Variants in SARDH observed in about 807,000 individuals in gnomAD.
The protein encoded by SARDH is sarcosine dehydrogenase, mitochondrial.
In SARDH, 95 loss-of-function variants were observed where a neutral mutation model predicts 109.1. The ratio of observed to expected loss-of-function variants is 0.87; its 90% CI spans 0.74 to 1.03. The LOEUF is 1.03. Among genes scored for constraint, SARDH ranks in the 50% least tolerant of loss-of-function variants. The pLI is 0.00. For synonymous variants in SARDH, 572 were observed against 534.8 expected, an observed-to-expected ratio of 1.07 and a Z score of -0.96; for missense variants, 1,267 against 1,287.8, an observed-to-expected ratio of 0.98 and a Z score of 0.25.
At chr9:133,713,410 A>C (rs1588437415) in intron 8 of SARDH, among the ~76,000 whole-genome samples, 1 of 152,142 alleles carries the variant, frequency 6.6e-6, no homozygotes, top group African/African-American at 2.4e-5. Context: ...TGTCCTGCCG[A>C]CAAGGAGCCC....
chr9:133,668,306 TCCC>T (rs1830152187), intron 19 of SARDH, among the ~76,000 whole-genome samples: 1 of 24,480 alleles, frequency 4.1e-5, no homozygotes, highest in African/African-American at 1.6e-4. Context: ...TCCCTCTCCC[TCCC>T]TCTCCCCCAC....
At chr9:133,710,768 C>A (rs1831889201) in intron 10 of SARDH, among the ~76,000 whole-genome samples, 1 of 152,266 alleles carries the variant, frequency 6.6e-6, no homozygotes, top group South Asian at 2.1e-4. Flanking sequence ...CCCTTGGGGG[C>A]CGGTGGCTGG....
chr9:133,677,708 G>GCCCTTCCTGCTTGGCCCTTCCTGCTT (rs1830565962), intron 17 of SARDH, among the ~76,000 whole-genome samples: 1 of 152,204 alleles, frequency 6.6e-6, no homozygotes, highest in African/African-American at 2.4e-5. Flanking sequence ...CCCTGGCTGG[G>GCCCTTCCTGCTTGGCCCTTCCTGCTT]GGCAAGGGCT....
At chr9:133,674,735 A>G (rs1206578728) in intron 17 of SARDH, among the ~76,000 whole-genome samples, 1 of 152,224 alleles carries the variant, frequency 6.6e-6, no homozygotes, top group African/African-American at 2.4e-5. Flanking sequence ...TCCAAAAATT[A>G]ACTAGACATG....
upstream of SARDH, among the ~76,000 whole-genome samples, chr9:133,739,280 A>G (rs1366102653): frequency 6.6e-6 from 1 of 152,216 alleles, no homozygotes. Context: ...CCAATACCGG[A>G]AGCGATCGTA....
intron 19 of SARDH, among the ~76,000 whole-genome samples, chr9:133,668,314 CCCCA>C (rs1296475879): frequency 3.7e-5 from 5 of 134,530 alleles, no homozygotes; most frequent in Admixed American, 7.3e-5. Flanking sequence ...CCTCCCTCTC[CCCCA>C]CCCTCCCTCT....
At position 133,738,303 on chromosome 9, in the gene SARDH, G is replaced by C. The variant is rs1317718018; in HGVS notation, c.-80C>G. The C allele has an allele frequency of 2.6e-5, 4 of 152,266 alleles. No individual in the cohort carries two copies. Among genetic ancestry groups the C allele is most frequent in the Non-Finnish European group, 5.9e-5 (4 of 68,072 alleles). 9.4% of individuals were successfully genotyped at this position (152,266 alleles called of 1,614,324 possible). ...GGCCCTAAGAGTGCTTGGCCCAGCA[G>C]AGGTGCCTTCACCTTCTTGCTTCCC... is the stretch of plus-strand genomic sequence containing the variant. On this transcript the variant is annotated 5_prime_UTR_variant, in exon 1 of 21. Transcript: ENST00000439388.
chr9:133,697,720 T>A (rs143426186), intron 13 of SARDH, among the ~76,000 whole-genome samples: 1 of 152,272 alleles, frequency 6.6e-6, no homozygotes, highest in African/African-American at 2.4e-5. Context: ...AATTCACCCG[T>A]TCATGATAAA....
intron 6 of SARDH, among the ~76,000 whole-genome samples, chr9:133,726,515 C>T (rs1023051004): frequency 6.6e-6 from 1 of 152,048 alleles, no homozygotes; most frequent in African/African-American, 2.4e-5. Flanking sequence ...CCAGGGAAGC[C>T]CCTGATGTTT....
At chr9:133,683,677 T>C (rs756691) in intron 17 of SARDH, among the ~76,000 whole-genome samples, 67,522 of 152,058 alleles carry the variant, frequency 0.44, 16,300 homozygotes, top group African/African-American at 0.65. Context: ...GCAGAGCCGC[T>C]GGGATCTCCC....
In SARDH at chr9:133,733,952, T is replaced by C; in HGVS notation, c.222A>G (p.Gly74=). Reference sequence around the variant, plus strand: ...ACAGGGTCTGGCAGCCCAAGCTGCCTCCACCAATGACCACCACGTTGGCCG... The same window carrying C: ...ACAGGGTCTGGCAGCCCAAGCTGCCCCCACCAATGACCACCACGTTGGCCG... ...PSTANVVVIG[G]GSLGCQTLYH... The change falls in exon 2 of 21, where the codon GGA becomes GGG. Residue 74 remains glycine (G), a synonymous_variant. Transcript: ENST00000439388. 1 of 1,606,910 alleles carries C rather than the reference T, an allele frequency of 6.2e-7. No individual in the cohort carries two copies. The highest frequency in any genetic ancestry group is 8.5e-7 in the Non-Finnish European group (1 of 1,176,484).
intron 17 of SARDH, among the ~76,000 whole-genome samples, chr9:133,683,538 C>A (rs1198293046): frequency 6.6e-6 from 1 of 152,214 alleles, no homozygotes; most frequent in Non-Finnish European, 1.5e-5. Flanking sequence ...TCCAGCTGTG[C>A]TGCTCTCTCT....
At position 133,663,850 on chromosome 9, in the gene SARDH, T is replaced by C. The variant is rs1183616310; in HGVS notation, c.*39A>G. On this transcript the variant is annotated 3_prime_UTR_variant, in exon 21 of 21. Coordinates refer to ENST00000439388, the MANE Select transcript of SARDH (RefSeq NM_001134707.2). Reference sequence around the variant, plus strand: ...CAGGGCCATTTGGGACCTGTGAGAATGGATGGACAGCATGGGATGGGGCAT... The same window carrying C: ...CAGGGCCATTTGGGACCTGTGAGAACGGATGGACAGCATGGGATGGGGCAT... The C allele has an allele frequency of 1.2e-6, 2 of 1,611,084 alleles. No homozygotes were observed. The highest frequency in any genetic ancestry group is 2.2e-5 in the East Asian group (1 of 44,852).
chr9:133,666,681 G>A lies in SARDH; in HGVS notation c.2631+54C>T. ...AGGGTGCAGTGCAGGGAGCTGGTTT[G>A]GAGCTGGTGAGGGATCGGCATCTGC... is the stretch of plus-strand genomic sequence containing the variant. On this transcript the variant is annotated intron_variant, in intron 20 of 20. Coordinates refer to ENST00000439388, the MANE Select transcript of SARDH (RefSeq NM_001134707.2). The surrounding 1 kb of genome is among the most constrained non-coding windows in gnomAD (Gnocchi z 5.2). 2.6e-6 allele frequency: 4 copies of A among 1,554,250 alleles called. No individual in the cohort carries two copies. Among genetic ancestry groups the A allele is most frequent in the Non-Finnish European group, 8.7e-7 (1 of 1,148,592 alleles).
In SARDH at chr9:133,666,675, T is replaced by G. The variant is rs552233040; in HGVS notation, c.2631+60A>C. 4 of 1,551,894 alleles carry G rather than the reference T, an allele frequency of 2.6e-6. No homozygotes were observed. The African/African-American group carries it at 5.5e-5, about 21-fold the overall frequency. On this transcript the variant is annotated intron_variant, in intron 20 of 20. Transcript: ENST00000439388. This position sits in a 1 kb window ranked among gnomAD's most constrained non-coding sequence, Gnocchi z 5.2. ...ACACTCAGGGTGCAGTGCAGGGAGC[T>G]GGTTTGGAGCTGGTGAGGGATCGGC... is the stretch of plus-strand genomic sequence containing the variant.
chr9:133,667,091 A>G, intron 19 of SARDH: 1 of 608,190 alleles, frequency 1.6e-6, no homozygotes, highest in South Asian at 2.0e-5. Flanking sequence ...GGATGAATAG[A>G]AAACATCAAA....
At chr9:133,721,316 C>T (rs1832319003) in intron 6 of SARDH, among the ~76,000 whole-genome samples, 2 of 152,220 alleles carry the variant, frequency 1.3e-5, no homozygotes, top group South Asian at 4.1e-4. Flanking sequence ...GCAAACTCTT[C>T]AAACGTCTAA....
In SARDH at chr9:133,663,736, CGTAT is replaced by C; in HGVS notation, c.*149_*152del. ...AGGATGGGCCATCTTGGTCTCTGTCCGTATCTGGTTTGGGGGTTTTCGCAGGACT... is the reference window on the plus strand; with the variant it reads ...AGGATGGGCCATCTTGGTCTCTGTCCCTGGTTTGGGGGTTTTCGCAGGACT... On this transcript the variant is annotated 3_prime_UTR_variant, in exon 21 of 21. Coordinates refer to ENST00000439388, the MANE Select transcript of SARDH (RefSeq NM_001134707.2). The C allele has an allele frequency of 9.5e-7, 1 of 1,051,734 alleles. No individual in the cohort carries two copies. The highest frequency in any genetic ancestry group is 1.4e-6 in the Non-Finnish European group (1 of 714,550). 65.2% of individuals were successfully genotyped at this position (1,051,734 alleles called of 1,614,324 possible).
intron 6 of SARDH, among the ~76,000 whole-genome samples, chr9:133,727,373 G>C (rs1341729213): frequency 6.6e-6 from 1 of 152,220 alleles, no homozygotes; most frequent in Non-Finnish European, 1.5e-5. Flanking sequence ...TGTCTGATCA[G>C]GGTAGACAGC....
Sources: gnomAD v4.1 joint callset for allele counts (sites outside exome capture counted in the v4.1 genomes callset) on GRCh38, gnomAD v4.1.1 for gene constraint, Gnocchi (gnomAD v3.1) non-coding constraint, MANE v1.5 for transcripts, NCBI Gene and HGNC (gene_info 2026-07-23, HGNC 2026-07-21) for gene names.